The following CSMD1 variants were observed in gnomAD, a reference collection of about 807,000 sequenced individuals.
CSMD1 encodes the protein CUB and sushi domain-containing protein 1.
CSMD1 carries 213 observed loss-of-function variants against 417.5 expected under a neutral mutation model. The observed-to-expected ratio is 0.51, with a 90% CI of 0.46 to 0.57. The LOEUF (loss-of-function observed/expected upper bound fraction) is 0.57, where lower values mean the gene tolerates loss of function less well. Among genes scored for constraint, CSMD1 ranks in the 20% least tolerant of loss-of-function variants. The pLI is 0.00. For synonymous variants in CSMD1, 2,862 were observed against 1,736.8 expected (o/e 1.65, Z -16.11); for missense variants, 6,923 against 4,529.7 (o/e 1.53, Z -15.17).
At chr8:3,340,598 T>G (rs1213453068) in intron 23 of CSMD1, among the ~76,000 whole-genome samples, 2 of 152,214 alleles carry the variant, frequency 1.3e-5, no homozygotes, top group Non-Finnish European at 2.9e-5. Context: ...GTAAAATATT[T>G]TATCTAACCG....
intron 3 of CSMD1, among the ~76,000 whole-genome samples, chr8:4,070,559 G>C (rs532988302): frequency 1.3e-5 from 2 of 151,980 alleles, no homozygotes; most frequent in African/African-American, 2.4e-5. Flanking sequence ...GGGTTTCACC[G>C]TGTTAGCCAG....
At chr8:4,475,354 TAAAG>T (rs1466092538) in intron 2 of CSMD1, among the ~76,000 whole-genome samples, 1 of 152,168 alleles carries the variant, frequency 6.6e-6, no homozygotes, top group Non-Finnish European at 1.5e-5. Context: ...AGTATATTAA[TAAAG>T]AGTTAATGTA....
chr8:3,654,693 C>G (rs1798017264), intron 7 of CSMD1, among the ~76,000 whole-genome samples: 1 of 152,170 alleles, frequency 6.6e-6, no homozygotes, highest in Non-Finnish European at 1.5e-5. Context: ...AGATTCGGGT[C>G]AGAGCCAGCA....
intron 3 of CSMD1, among the ~76,000 whole-genome samples, chr8:4,114,334 A>G (rs958929994): frequency 2.7e-4 from 41 of 152,220 alleles, no homozygotes; most frequent in African/African-American, 9.6e-4. Context: ...ACATCTGTTT[A>G]CAGCACGGTT....
At chr8:3,980,177 T>C (rs1300989500) in intron 5 of CSMD1, among the ~76,000 whole-genome samples, 1 of 152,252 alleles carries the variant, frequency 6.6e-6, no homozygotes, top group Non-Finnish European at 1.5e-5. Context: ...TATGACACAA[T>C]GTTATCACTT....
At chr8:3,309,628 G>T (rs1488184279) in intron 23 of CSMD1, among the ~76,000 whole-genome samples, 1 of 149,592 alleles carries the variant, frequency 6.7e-6, no homozygotes, top group Non-Finnish European at 1.5e-5. Flanking sequence ...ATTGTAAAAG[G>T]GAGAGCTGGA....
At chr8:4,475,759 T>C (rs1800768665) in intron 2 of CSMD1, among the ~76,000 whole-genome samples, 1 of 152,010 alleles carries the variant, frequency 6.6e-6, no homozygotes, top group African/African-American at 2.4e-5. Context: ...ATTACAGGCG[T>C]GCACCACCAC....
intron 3 of CSMD1, among the ~76,000 whole-genome samples, chr8:4,309,399 G>A (rs1203282992): frequency 1.3e-5 from 2 of 151,930 alleles, no homozygotes; most frequent in African/African-American, 4.8e-5. Context: ...ACCCTCAAAA[G>A]CTTTGGAAAT....
chr8:3,490,979 A>AG (rs1242618578), intron 11 of CSMD1, among the ~76,000 whole-genome samples: 2 of 152,192 alleles, frequency 1.3e-5, no homozygotes, highest in African/African-American at 4.8e-5. Flanking sequence ...ATAAATTTTC[A>AG]GGGGGGATAA....
chr8:3,827,875 G>T (rs561465504), intron 5 of CSMD1, among the ~76,000 whole-genome samples: 3 of 152,280 alleles, frequency 2.0e-5, no homozygotes, highest in African/African-American at 7.2e-5. Flanking sequence ...TTCTGATGAA[G>T]TTTCATCCCC....
intron 1 of CSMD1, among the ~76,000 whole-genome samples, chr8:4,984,109 T>G (rs914371187): frequency 6.6e-6 from 1 of 152,188 alleles, no homozygotes; most frequent in Non-Finnish European, 1.5e-5. Flanking sequence ...ACAAGATACA[T>G]GGCCAGTAAA....
At chr8:3,264,704 C>G (rs960979718) in intron 26 of CSMD1, among the ~76,000 whole-genome samples, 1 of 152,096 alleles carries the variant, frequency 6.6e-6, no homozygotes, top group Non-Finnish European at 1.5e-5. Context: ...CCTAATTTAA[C>G]TTAATTAACT....
intron 57 of CSMD1, among the ~76,000 whole-genome samples, chr8:2,971,978 T>C (rs550776772): frequency 1.1e-4 from 16 of 152,204 alleles, no homozygotes; most frequent in African/African-American, 2.4e-4. Context: ...CTATATTATA[T>C]GCATATATAT....
chr8:3,464,998 T>C (rs1042019509), intron 12 of CSMD1, among the ~76,000 whole-genome samples: 1 of 152,182 alleles, frequency 6.6e-6, no homozygotes, highest in Non-Finnish European at 1.5e-5. Context: ...ATAATAGCTA[T>C]AGATAATACA....
At chr8:3,770,839 A>G (rs755868195) in intron 5 of CSMD1, among the ~76,000 whole-genome samples, 3 of 152,178 alleles carry the variant, frequency 2.0e-5, no homozygotes, top group Non-Finnish European at 4.4e-5. Context: ...AGAAAAGATA[A>G]AGGAGGAAAA....
At chr8:3,686,541 G>T (rs1211759402) in intron 7 of CSMD1, among the ~76,000 whole-genome samples, 1 of 152,152 alleles carries the variant, frequency 6.6e-6, no homozygotes, top group Non-Finnish European at 1.5e-5. Context: ...TTGAAAGCAG[G>T]AGATAGAATT....
intron 10 of CSMD1, among the ~76,000 whole-genome samples, chr8:3,533,681 T>G (rs1436122078): frequency 6.6e-6 from 1 of 152,172 alleles, no homozygotes; most frequent in Non-Finnish European, 1.5e-5. Flanking sequence ...CCACTAACAC[T>G]TATTTCACCA....
chr8:4,981,775 C>G (rs898866404), intron 1 of CSMD1, among the ~76,000 whole-genome samples: 14 of 152,186 alleles, frequency 9.2e-5, no homozygotes, highest in African/African-American at 3.4e-4. Flanking sequence ...CCCGTGGCTT[C>G]CTTTCAACCA....
chr8:3,245,630 C>A (rs770250408), intron 26 of CSMD1, among the ~76,000 whole-genome samples: 1 of 152,208 alleles, frequency 6.6e-6, no homozygotes, highest in Non-Finnish European at 1.5e-5. Context: ...CCTAAATCTT[C>A]CGCAGGCACC....
Sources: gnomAD v4.1 joint callset for allele counts (sites outside exome capture counted in the v4.1 genomes callset) on GRCh38, gnomAD v4.1.1 for gene constraint, MANE v1.5 for transcripts, NCBI Gene and HGNC (gene_info 2026-07-23, HGNC 2026-07-21) for gene names.